Variants in SLC4A4 observed in about 807,000 individuals in gnomAD.
SLC4A4 encodes the protein solute carrier family 4 member 4.
SLC4A4 carries 27 observed loss-of-function variants against 111.5 expected under a neutral mutation model. The ratio of observed to expected loss-of-function variants is 0.24; its 90% CI spans 0.18 to 0.33. The LOEUF is 0.33. SLC4A4 is among the 10% of genes least tolerant of loss of function. The pLI, the probability that SLC4A4 is intolerant of heterozygous loss-of-function variation, is 1.00. For missense variants in SLC4A4, 909 were observed against 1,315.5 expected, an observed-to-expected ratio of 0.69 and a Z score of 4.78; for synonymous variants, 443 against 463.4, an observed-to-expected ratio of 0.96 and a Z score of 0.57.
intron 3 of SLC4A4, among the ~76,000 whole-genome samples, chr4:71,268,422 C>G (rs1722461594): frequency 6.6e-6 from 1 of 152,126 alleles, no homozygotes; most frequent in African/African-American, 2.4e-5. Flanking sequence ...TCAATGTCGT[C>G]CATCCAAAAT....
intron 3 of SLC4A4, among the ~76,000 whole-genome samples, chr4:71,329,659 A>C (rs1727807222): frequency 6.6e-6 from 1 of 152,054 alleles, no homozygotes; most frequent in African/African-American, 2.4e-5. Context: ...ATTTTTGTGT[A>C]CTTGATATTG....
At chr4:71,468,896 A>G (rs1480256913) in intron 13 of SLC4A4, among the ~76,000 whole-genome samples, 1 of 151,954 alleles carries the variant, frequency 6.6e-6, no homozygotes, top group Non-Finnish European at 1.5e-5. Flanking sequence ...TCCCCAACAT[A>G]TTTTACCACT....
chr4:71,175,855 G>A (rs549081752), intron 2 of SLC4A4, among the ~76,000 whole-genome samples: 1 of 152,304 alleles, frequency 6.6e-6, no homozygotes, highest in East Asian at 1.9e-4. Context: ...CACAGCTGGA[G>A]ATCTGAGAAC....
Position 71,532,053 on chromosome 4 carries a change from T to C in SLC4A4, c.2167-9T>C, listed in dbSNP as rs777392226. 6.4e-7 allele frequency: 1 copy of C among 1,566,662 alleles called. No homozygotes were observed. The highest frequency in any genetic ancestry group is 8.8e-7 in the Non-Finnish European group (1 of 1,137,464). On this transcript the variant is annotated splice_polypyrimidine_tract_variant and intron_variant, in intron 16 of 25. Transcript: ENST00000264485. ...TAAATGGTTCCTGGTTTCTTTTTTATTTTTCCAGGCAAGAAAACTGATCAG... is the reference window on the plus strand; with the variant it reads ...TAAATGGTTCCTGGTTTCTTTTTTACTTTTCCAGGCAAGAAAACTGATCAG...
chr4:71,218,632 A>G (rs919936747), intron 1 of SLC4A4, among the ~76,000 whole-genome samples: 15 of 152,198 alleles, frequency 9.9e-5, no homozygotes, highest in Non-Finnish European at 2.2e-4. Flanking sequence ...CTAATAATCT[A>G]TATGGGTTGT....
chr4:71,510,295 A>G (rs1486163012), intron 16 of SLC4A4, among the ~76,000 whole-genome samples: 6 of 152,204 alleles, frequency 3.9e-5, no homozygotes, highest in African/African-American at 1.4e-4. Context: ...TTCACACTCC[A>G]TAGGGATTTC....
At chr4:71,380,256 A>G (rs1717986003) in intron 6 of SLC4A4, among the ~76,000 whole-genome samples, 2 of 152,204 alleles carry the variant, frequency 1.3e-5, no homozygotes, top group South Asian at 2.1e-4. Flanking sequence ...CAGGGCAACT[A>G]TGACTACTCC....
At chr4:71,549,816 C>G (rs1382680239) in intron 20 of SLC4A4, among the ~76,000 whole-genome samples, 1 of 151,862 alleles carries the variant, frequency 6.6e-6, no homozygotes, top group African/African-American at 2.4e-5. Context: ...TTTTCTCACC[C>G]TGCACCCAAA....
At chr4:71,169,295 T>C (rs573875492) in intron 2 of SLC4A4, among the ~76,000 whole-genome samples, 125 of 152,106 alleles carry the variant, frequency 8.2e-4, no homozygotes, top group African/African-American at 3.0e-3. Context: ...GGATTACAGG[T>C]GTGAGCCATC....
rs1015291372 is a variant in SLC4A4, at chr4:71,465,384, C to T, written c.1498-1060C>T. Among the ~76,000 whole-genome samples, 12 of 151,700 alleles carry T rather than the reference C, an allele frequency of 7.9e-5. No homozygotes were observed. The East Asian group carries it at 2.4e-3, about 30-fold the overall frequency. On this transcript the variant is annotated intron_variant, in intron 12 of 25. Transcript: ENST00000264485. ...TGTATGAATAAAGGGTTTCTGTCATCTTTTTATGTTTAAAAATCATGTCTT... is the reference window on the plus strand; with the variant it reads ...TGTATGAATAAAGGGTTTCTGTCATTTTTTTATGTTTAAAAATCATGTCTT...
chr4:71,276,425 G>A lies in SLC4A4; in HGVS notation c.253+21026G>A, dbSNP rs550407061. ...GAGCTCCATCACTACAGAGATCTTC[G>A]TTGGGCTATCTCTTTATAGTTACAC... On this transcript the variant is annotated intron_variant, in intron 3 of 25. Coordinates refer to ENST00000264485, the MANE Select transcript of SLC4A4 (RefSeq NM_001098484.3). Among the ~76,000 whole-genome samples the A allele has an allele frequency of 7.4e-4, 112 of 152,216 alleles. 1 individual carries two copies. The highest frequency in any genetic ancestry group is 2.5e-3 in the African/African-American group (102 of 41,546).
At chr4:71,168,177 C>CTTTTTTTT (rs777092928) in intron 2 of SLC4A4, among the ~76,000 whole-genome samples, 11 of 106,230 alleles carry the variant, frequency 1.0e-4, no homozygotes, top group African/African-American at 3.5e-4. Context: ...CAATTATACT[C>CTTTTTTTT]TTTTTTTTTT....
Position 71,065,828 on chromosome 4 carries a change from A to G in SLC4A4, c.-65+3040A>G, listed in dbSNP as rs1261252299. ...CTCTCCTCTGGGCTCCCATAGGACC[A>G]TATATACTTTTGCTATTGTATTAGG... On this transcript the variant is annotated intron_variant, in intron 1 of 26. Transcript: ENST00000649996. Among the ~76,000 whole-genome samples the G allele has an allele frequency of 3.3e-5, 5 of 152,134 alleles. No individual in the cohort carries two copies. The East Asian group carries it at 9.6e-4, about 29-fold the overall frequency.
chr4:71,337,141 G>T (rs369229127), intron 3 of SLC4A4, among the ~76,000 whole-genome samples: 1 of 152,170 alleles, frequency 6.6e-6, no homozygotes, highest in East Asian at 1.9e-4. Context: ...GTGATTTATG[G>T]ACTGAAGAGC....
intron 3 of SLC4A4, among the ~76,000 whole-genome samples, chr4:71,298,620 G>A (rs1452851950): frequency 6.6e-6 from 1 of 152,160 alleles, no homozygotes; most frequent in Non-Finnish European, 1.5e-5. Context: ...TGCTTACACA[G>A]TCAACAACAT....
intron 3 of SLC4A4, among the ~76,000 whole-genome samples, chr4:71,256,413 T>C (rs754599773): frequency 1.7e-4 from 26 of 152,136 alleles, no homozygotes; most frequent in Non-Finnish European, 3.5e-4. Flanking sequence ...TGATGTGAAT[T>C]TTTTATAGTC....
intron 3 of SLC4A4, among the ~76,000 whole-genome samples, chr4:71,282,829 G>C (rs1723630970): frequency 6.6e-6 from 1 of 151,762 alleles, no homozygotes; most frequent in Non-Finnish European, 1.5e-5. Flanking sequence ...CTCCTACCCG[G>C]GCCTCCCAAA....
At chr4:71,477,625 G>A (rs1713449878) in intron 14 of SLC4A4, among the ~76,000 whole-genome samples, 1 of 151,780 alleles carries the variant, frequency 6.6e-6, no homozygotes, top group Admixed American at 6.6e-5. Context: ...TAAGAAAAAG[G>A]CTTTAAAGTC....
chr4:71,437,279 G>A (rs948679934), intron 7 of SLC4A4: 1 of 366,328 alleles, frequency 2.7e-6, no homozygotes, highest in South Asian at 2.6e-5. Context: ...CGGAAATGGG[G>A]AGTGTCCAGA....
Sources: gnomAD v4.1 joint callset for allele counts (sites outside exome capture counted in the v4.1 genomes callset) on GRCh38, gnomAD v4.1.1 for gene constraint, MANE v1.5 for transcripts, NCBI Gene and HGNC (gene_info 2026-07-23, HGNC 2026-07-21) for gene names.